TESMIN: variants seen among roughly 807,000 people sequenced by gnomAD.
TESMIN encodes the protein testis expressed metallothionein like protein.
In TESMIN, 34 loss-of-function variants were observed where a neutral mutation model predicts 47.4. The observed-to-expected ratio is 0.72, with a 90% CI of 0.55 to 0.96. TESMIN has a LOEUF of 0.96. Among genes scored for constraint, TESMIN ranks in the 40% least tolerant of loss-of-function variants. The probability of loss-of-function intolerance (pLI) is 0.00; values close to 1 mark genes in which losing one functional copy is unlikely to be tolerated. For synonymous variants in TESMIN, 278 were observed against 258.9 expected (o/e 1.07, Z -0.71); for missense variants, 610 against 637.2 (o/e 0.96, Z 0.46).
chr11:68,734,770 G>A (rs1230958107), intron 6 of TESMIN, among the ~76,000 whole-genome samples: 2 of 152,222 alleles, frequency 1.3e-5, no homozygotes, highest in Non-Finnish European at 2.9e-5. Context: ...GAACATAGGG[G>A]TTGGTAACTA....
At chr11:68,738,517 C>T in intron 6 of TESMIN, 183 bp downstream of exon 6, 1 of 1,386,322 alleles carries the variant, frequency 7.2e-7, no homozygotes, top group Non-Finnish European at 9.4e-7. Flanking sequence ...CTTTGCAGCC[C>T]CAGTGAAACC....
chr11:68,708,236 C>A lies in TESMIN; in HGVS notation c.*72G>T, dbSNP rs1352316734. The A allele has an allele frequency of 2.1e-6, 3 of 1,425,316 alleles. No individual in the cohort carries two copies. Among genetic ancestry groups the A allele is most frequent in the East Asian group, 2.3e-5 (1 of 43,256 alleles). 88.3% of individuals were successfully genotyped at this position (1,425,316 alleles called of 1,614,324 possible). ...GTTGCTGCAGAGCCAGCCTCATGTT[C>A]CCCTAAACATCCTTTCTAAACTAGA... On this transcript the variant is annotated 3_prime_UTR_variant, in exon 10 of 10. Coordinates refer to ENST00000255087, the MANE Select transcript of TESMIN (RefSeq NM_004923.3).
chr11:68,749,929 G>T (rs952487824), intron 2 of TESMIN, among the ~76,000 whole-genome samples: 2 of 152,178 alleles, frequency 1.3e-5, no homozygotes, highest in African/African-American at 4.8e-5. Flanking sequence ...TCCGCCGTCT[G>T]CATGGTTAGG....
chr11:68,709,232 G>A (rs1253963093), intron 9 of TESMIN, among the ~76,000 whole-genome samples: 1 of 152,200 alleles, frequency 6.6e-6, no homozygotes, highest in African/African-American at 2.4e-5. Context: ...CCGGGCTACA[G>A]TGTCAAGCAC....
intron 8 of TESMIN, among the ~76,000 whole-genome samples, chr11:68,711,873 C>G (rs1946077281): frequency 6.6e-6 from 1 of 152,214 alleles, no homozygotes. Flanking sequence ...ACCCAGCAAG[C>G]CCCCTCTTGC....
chr11:68,716,038 GC>G, intron 6 of TESMIN, 99 bp from the exon 7 acceptor site: 3 of 774,152 alleles, frequency 3.9e-6, no homozygotes, highest in Non-Finnish European at 6.6e-6. Context: ...GCAGTGTGCT[GC>G]AGTCAGAACA....
chr11:68,723,916 CCAGA>C (rs1472894754), intron 6 of TESMIN, among the ~76,000 whole-genome samples: 25 of 151,970 alleles, frequency 1.6e-4, no homozygotes, highest in African/African-American at 6.0e-4. Flanking sequence ...GACATCAGAC[CCAGA>C]CAGTTTTTCA....
At chr11:68,728,333 TA>T (rs1003074663) in intron 6 of TESMIN, among the ~76,000 whole-genome samples, 3 of 152,174 alleles carry the variant, frequency 2.0e-5, no homozygotes, top group African/African-American at 7.2e-5. Context: ...GGACAAAGCC[TA>T]ATCCAGAGCA....
At chr11:68,737,526 C>G (rs952267070) in intron 6 of TESMIN, 4 of 985,576 alleles carry the variant, frequency 4.1e-6, no homozygotes, top group Non-Finnish European at 4.8e-6. Context: ...TCTGCAGGAG[C>G]CTGGAAAGCA....
chr11:68,736,016 C>A, intron 6 of TESMIN: 2 of 924,252 alleles, frequency 2.2e-6, no homozygotes, highest in African/African-American at 3.6e-5. Flanking sequence ...CAGTGCCCAT[C>A]TAAAAATTAA....
chr11:68,730,262 T>G (rs1422106387), intron 6 of TESMIN, among the ~76,000 whole-genome samples: 1 of 152,228 alleles, frequency 6.6e-6, no homozygotes, highest in Non-Finnish European at 1.5e-5. Context: ...TTATTGTGAT[T>G]TGCTCTGTTG....
chr11:68,714,140 A>C (rs1379304842), intron 7 of TESMIN, among the ~76,000 whole-genome samples: 2 of 152,254 alleles, frequency 1.3e-5, no homozygotes, highest in Non-Finnish European at 2.9e-5. Context: ...TACAGAGGTC[A>C]CAGTGGAAGT....
intron 9 of TESMIN, 35 bp from the exon 10 acceptor site, chr11:68,708,535 A>G: frequency 6.5e-7 from 1 of 1,548,124 alleles, no homozygotes; most frequent in Non-Finnish European, 8.7e-7. Flanking sequence ...GCCGCTCAAC[A>G]GTGCACCATT....
At chr11:68,726,430 A>G (rs547073188) in intron 6 of TESMIN, among the ~76,000 whole-genome samples, 1 of 152,334 alleles carries the variant, frequency 6.6e-6, no homozygotes, top group East Asian at 1.9e-4. Flanking sequence ...ACAAGCCTCA[A>G]AGAACTCCCA....
intron 2 of TESMIN, among the ~76,000 whole-genome samples, chr11:68,749,677 A>C (rs987398009): frequency 6.6e-6 from 1 of 152,002 alleles, no homozygotes; most frequent in African/African-American, 2.4e-5. Flanking sequence ...GGAAGATCTC[A>C]CATCTTGACT....
chr11:68,731,379 G>A (rs1286527943), intron 6 of TESMIN, among the ~76,000 whole-genome samples: 6 of 151,924 alleles, frequency 3.9e-5, no homozygotes, highest in Non-Finnish European at 7.4e-5. Flanking sequence ...AGTAAGCTAC[G>A]ATTGAGCCAC....
chr11:68,747,389 TTA>T, intron 2 of TESMIN, 23 bp from the exon 3 acceptor site: 1 of 1,596,408 alleles, frequency 6.3e-7, no homozygotes, highest in South Asian at 1.1e-5. Flanking sequence ...AATAATTATT[TTA>T]GAGAACACAT....
In TESMIN at chr11:68,750,219, C is replaced by T. The variant is rs1372957545; in HGVS notation, c.442G>A (p.Ala148Thr). 5 of 1,501,554 alleles carry T rather than the reference C, an allele frequency of 3.3e-6. No homozygotes were observed. The highest frequency in any genetic ancestry group is 2.3e-5 in the Admixed American group (1 of 44,182). The allele number at this position is 1,501,554 out of a possible 1,614,324, so 93.0% of individuals were successfully genotyped here. ...LPLGAWVLEG[A>T]SHPGVRMIPV... ...ATCATGCGGACGCCCGGGTGGGAGGCTCCTTCCAGGACCCAGGCGCCCAGG... is the reference window on the plus strand; with the variant it reads ...ATCATGCGGACGCCCGGGTGGGAGGTTCCTTCCAGGACCCAGGCGCCCAGG... The change falls in exon 2 of 10, where the codon GCC (alanine) becomes ACC (threonine). Residue 148 changes from alanine to threonine, a missense_variant. Physicochemically the swap from Ala to Thr is moderately conservative, Grantham distance 58 (BLOSUM62 0). Coordinates refer to ENST00000255087, the MANE Select transcript of TESMIN (RefSeq NM_004923.3).
At chr11:68,721,712 C>G (rs1437366685) in intron 6 of TESMIN, among the ~76,000 whole-genome samples, 1 of 152,168 alleles carries the variant, frequency 6.6e-6, no homozygotes, top group African/African-American at 2.4e-5. Context: ...TGTCACCACC[C>G]CTGCCCGGGT....
Sources: gnomAD v4.1 joint callset for allele counts (sites outside exome capture counted in the v4.1 genomes callset) on GRCh38, gnomAD v4.1.1 for gene constraint, MANE v1.5 for transcripts, NCBI Gene and HGNC (gene_info 2026-07-23, HGNC 2026-07-21) for gene names.